Variants in ELP4 observed in about 807,000 individuals in gnomAD.
ELP4 encodes elongator complex protein 4.
Under a neutral mutation model 48.9 loss-of-function variants are expected in ELP4, and 51 were observed. The observed-to-expected ratio is 1.04, with a 90% CI of 0.83 to 1.32. The LOEUF (loss-of-function observed/expected upper bound fraction) is 1.32, where lower values mean the gene tolerates loss of function less well. Ranked by LOEUF, ELP4 falls within the 40% of genes most tolerant of loss-of-function variation. The pLI is 0.00. For missense variants in ELP4, 519 were observed against 514.6 expected, an observed-to-expected ratio of 1.01 and a Z score of -0.08; for synonymous variants, 210 against 189.2, an observed-to-expected ratio of 1.11 and a Z score of -0.90.
chr11:31,569,377 A>G (rs995202756), intron 3 of ELP4, among the ~76,000 whole-genome samples: 4 of 152,234 alleles, frequency 2.6e-5, no homozygotes, highest in Non-Finnish European at 4.4e-5. Flanking sequence ...CCCAGATCCT[A>G]TAAGAAACTT....
At chr11:31,684,205 A>C (rs183941332) in intron 9 of ELP4, among the ~76,000 whole-genome samples, 4 of 151,788 alleles carry the variant, frequency 2.6e-5, no homozygotes, top group Admixed American at 2.6e-4. Context: ...AAAGGACCAA[A>C]AAGATAATCT....
At chr11:31,738,876 A>G (rs144583406) in intron 9 of ELP4, among the ~76,000 whole-genome samples, 4 of 152,366 alleles carry the variant, frequency 2.6e-5, no homozygotes, top group African/African-American at 9.6e-5. Flanking sequence ...ACAGTCAAAC[A>G]GTCAAAAGCA....
chr11:31,570,738 A>G (rs935189504), intron 3 of ELP4, among the ~76,000 whole-genome samples: 2 of 149,474 alleles, frequency 1.3e-5, no homozygotes, highest in Non-Finnish European at 3.0e-5. Flanking sequence ...TCGGCCTCCC[A>G]AAGTGCTGGT....
intron 7 of ELP4, chr11:31,634,113 C>T (rs1277708630): frequency 6.6e-6 from 1 of 152,038 alleles, no homozygotes; most frequent in African/African-American, 2.4e-5. Context: ...TATTCAAGCT[C>T]GGATCTGGCT....
At chr11:31,638,437 A>G (rs921838026) in intron 7 of ELP4, among the ~76,000 whole-genome samples, 1 of 151,786 alleles carries the variant, frequency 6.6e-6, no homozygotes, top group African/African-American at 2.4e-5. Flanking sequence ...TTTGTCATAT[A>G]CCCACTGTTT....
At chr11:31,625,170 G>T (rs1279027685) in intron 5 of ELP4, among the ~76,000 whole-genome samples, 4 of 151,608 alleles carry the variant, frequency 2.6e-5, no homozygotes, top group Non-Finnish European at 5.9e-5. Context: ...GTTTACACAA[G>T]CATCACCATA....
At chr11:31,625,971 C>A (rs1944735191) in intron 5 of ELP4, among the ~76,000 whole-genome samples, 2 of 151,746 alleles carry the variant, frequency 1.3e-5, no homozygotes, top group Admixed American at 6.6e-5. Flanking sequence ...AGCCAAAGTA[C>A]CAAATTTTTC....
intron 9 of ELP4, among the ~76,000 whole-genome samples, chr11:31,691,689 G>A (rs140154034): frequency 6.2e-4 from 95 of 152,064 alleles, no homozygotes; most frequent in Non-Finnish European, 1.1e-3. Context: ...TTAACTAAAG[G>A]ACATAGTTTA....
In ELP4 at chr11:31,786,232, GAC is replaced by G. The variant is rs886048186; in HGVS notation, c.*2714_*2715del. On this transcript the variant is annotated 3_prime_UTR_variant, in exon 10 of 10. Transcript: ENST00000640961. ...TCCCTGTCCATCTTTTAACAAATCA[GAC>G]ACACATAGGCATACAAAAGGAGAGT... 4.8e-6 allele frequency: 1 copy of G among 208,452 alleles called. No individual in the cohort carries two copies. Among genetic ancestry groups the G allele is most frequent in the South Asian group, 1.9e-4 (1 of 5,288 alleles). 12.9% of individuals were successfully genotyped at this position (208,452 alleles called of 1,614,324 possible). A position where few individuals can be genotyped will look rare whatever the true frequency, so the allele number is the denominator to read the frequency against.
chr11:31,540,485 T>G (rs926742846), intron 3 of ELP4, among the ~76,000 whole-genome samples: 1 of 152,192 alleles, frequency 6.6e-6, no homozygotes, highest in African/African-American at 2.4e-5. Context: ...TTAGGCAATT[T>G]TTTTTCTTTT....
In ELP4 at chr11:31,787,428, G is replaced by A. The variant is rs3026397; in HGVS notation, c.*3904G>A. On this transcript the variant is annotated 3_prime_UTR_variant, in exon 10 of 10. Coordinates refer to ENST00000640961, the MANE Select transcript of ELP4 (RefSeq NM_019040.5). ...GTCTACACAACAGAACCGTGGGCCG[G>A]AACTGGCTGCCTGACCGTGGTGGAA... 1.9e-3 allele frequency: 444 copies of A among 233,268 alleles called. No individual in the cohort carries two copies. Among genetic ancestry groups the A allele is most frequent in the Admixed American group, 3.8e-3 (67 of 17,806 alleles). The allele number at this position is 233,268 out of a possible 1,614,324, so 14.4% of individuals were successfully genotyped here.
intron 9 of ELP4, among the ~76,000 whole-genome samples, chr11:31,712,636 G>A (rs1946765481): frequency 6.6e-6 from 1 of 151,926 alleles, no homozygotes; most frequent in Admixed American, 6.6e-5. Flanking sequence ...ATTTTTAAGA[G>A]ATTTTGGTTA....
chr11:31,710,395 C>A (rs113043592), intron 9 of ELP4, among the ~76,000 whole-genome samples: 20 of 152,102 alleles, frequency 1.3e-4, no homozygotes, highest in African/African-American at 4.6e-4. Flanking sequence ...GAGGCCAAGG[C>A]AGGCAGATCA....
intron 4 of ELP4, chr11:31,599,510 CACACACACACACAAAAAA>C (rs1045364375): frequency 4.6e-5 from 1 of 21,532 alleles, no homozygotes; most frequent in African/African-American, 6.3e-5. Context: ...CACACACACA[CACACACACACACAAAAAA>C]AAAAAACCTG....
chr11:31,513,907 T>C (rs796140222), intron 1 of ELP4, among the ~76,000 whole-genome samples: 27 of 152,326 alleles, frequency 1.8e-4, no homozygotes, highest in African/African-American at 6.5e-4. Context: ...AAAATGCCTA[T>C]TTTTAAAATA....
intron 9 of ELP4, chr11:31,720,009 TG>T (rs1329742223): frequency 6.6e-6 from 1 of 152,172 alleles, no homozygotes; most frequent in African/African-American, 2.4e-5. Context: ...AAAAAAGCTT[TG>T]TTTTTTTTCA....
intron 3 of ELP4, among the ~76,000 whole-genome samples, chr11:31,576,100 A>C (rs1481723629): frequency 6.6e-6 from 1 of 152,256 alleles, no homozygotes; most frequent in Non-Finnish European, 1.5e-5. Context: ...AAGAAGATCT[A>C]CCAAGCAAAT....
intron 3 of ELP4, among the ~76,000 whole-genome samples, chr11:31,544,303 T>A (rs974097162): frequency 6.6e-6 from 1 of 152,224 alleles, no homozygotes; most frequent in Non-Finnish European, 1.5e-5. Context: ...ACCTGAATAC[T>A]GCACTTTTCA....
chr11:31,603,739 A>C (rs1012295160), intron 4 of ELP4, 29 bp from the exon 5 acceptor site: 8 of 1,583,132 alleles, frequency 5.1e-6, no homozygotes, highest in South Asian at 1.2e-5. Context: ...ATAATTGTTT[A>C]ACAACCACTA....
Sources: allele counts gnomAD v4.1 joint callset (sites outside exome capture counted in the v4.1 genomes callset), GRCh38; gene constraint gnomAD v4.1.1; transcripts MANE v1.5; gene names NCBI Gene and HGNC (gene_info 2026-07-23, HGNC 2026-07-21).